The following KIRREL3 variants were observed in gnomAD, a reference collection of about 807,000 sequenced individuals.
KIRREL3 encodes kirre like nephrin family adhesion molecule 3, also known as kin of IRRE-like protein 3.
KIRREL3 carries 36 observed loss-of-function variants against 89.7 expected under a neutral mutation model. That is an observed-to-expected ratio of 0.40 (90% CI 0.31 to 0.53). KIRREL3 has a LOEUF of 0.53. KIRREL3 is among the 20% of genes least tolerant of loss of function. KIRREL3 has a pLI of 0.49. For synonymous variants in KIRREL3, 445 were observed against 441.4 expected, an observed-to-expected ratio of 1.01 and a Z score of -0.10; for missense variants, 864 against 1,056.6, an observed-to-expected ratio of 0.82 and a Z score of 2.53.
chr11:126,598,874 C>T (rs1942516294), intron 1 of KIRREL3, among the ~76,000 whole-genome samples: 1 of 152,236 alleles, frequency 6.6e-6, no homozygotes, highest in Non-Finnish European at 1.5e-5. Flanking sequence ...GTAGGGCTCA[C>T]TCTTAGGCTT....
chr11:126,967,485 T>C (rs1949304619), intron 1 of KIRREL3, among the ~76,000 whole-genome samples: 1 of 152,062 alleles, frequency 6.6e-6, no homozygotes, highest in Admixed American at 6.5e-5. Flanking sequence ...AATGATCACA[T>C]CTAACCTTCA....
chr11:126,923,195 C>CTT lies in KIRREL3; in HGVS notation c.55+77258_55+77259dup, dbSNP rs1414469272. On this transcript the variant is annotated intron_variant, in intron 1 of 16. Coordinates refer to ENST00000525144, the MANE Select transcript of KIRREL3 (RefSeq NM_032531.4). The stretch of plus-strand genomic sequence containing the variant: ...CTTCTTCTCTTCTTCTTCTCTTCTT[C>CTT]TTCTTCTTCTTCTTCTTCTTCTTCT... 5.1e-3 allele frequency among the ~76,000 whole-genome samples: 47 copies of CTT among 9,278 alleles called. 9 individuals carry two copies. Among genetic ancestry groups the CTT allele is most frequent in the Non-Finnish European group, 6.6e-3 (39 of 5,874 alleles). The allele number at this position is 9,278 out of a possible 152,430, so 6.1% of individuals were successfully genotyped here.
rs189753759 is a variant in KIRREL3, at chr11:126,525,555, A to G, written c.283+983T>C. On this transcript the variant is annotated intron_variant, in intron 3 of 16. Coordinates refer to ENST00000525144, the MANE Select transcript of KIRREL3 (RefSeq NM_032531.4). This position sits in a 1 kb window ranked among gnomAD's most constrained non-coding sequence, Gnocchi z 5.4. ...ATTTAAAAATATTAATTTCCCAACC[A>G]TCATGTTCCTGAGTGCACTTCGATT... is the stretch of plus-strand genomic sequence containing the variant. Among the ~76,000 whole-genome samples, 1 of 152,278 alleles carries G rather than the reference A, an allele frequency of 6.6e-6. No homozygotes were observed. The highest frequency in any genetic ancestry group is 1.5e-5 in the Non-Finnish European group (1 of 68,030).
At chr11:126,589,070 C>G (rs11220547) in intron 1 of KIRREL3, among the ~76,000 whole-genome samples, 22,784 of 152,112 alleles carry the variant, frequency 0.15, 1,731 homozygotes, top group African/African-American at 0.16. Context: ...CTCTCCCGGT[C>G]CCTTCCAGCA....
In KIRREL3 at chr11:126,544,561, G is replaced by A. The variant is rs1381533042; in HGVS notation, c.134-17874C>T. Among the ~76,000 whole-genome samples the A allele has an allele frequency of 6.6e-6, 1 of 152,126 alleles. No homozygotes were observed. Among genetic ancestry groups the A allele is most frequent in the African/African-American group, 2.4e-5 (1 of 41,424 alleles). ...CGGGGCTACCTGGGGCTATGGAAGG[G>A]ACTTTCCATAGAGGGTCTTTGGCTG... is the stretch of plus-strand genomic sequence containing the variant. On this transcript the variant is annotated intron_variant, in intron 2 of 16. Coordinates refer to ENST00000525144, the MANE Select transcript of KIRREL3 (RefSeq NM_032531.4). The surrounding 1 kb of genome is among the most constrained non-coding windows in gnomAD (Gnocchi z 5.6).
intron 1 of KIRREL3, among the ~76,000 whole-genome samples, chr11:126,690,043 G>A (rs539004377): frequency 2.0e-5 from 3 of 152,256 alleles, no homozygotes; most frequent in Non-Finnish European, 4.4e-5. Context: ...CACTGGAGGA[G>A]GCCCGAGAAG....
At chr11:126,466,103 T>G (rs1670038319) in intron 5 of KIRREL3, among the ~76,000 whole-genome samples, 1 of 152,086 alleles carries the variant, frequency 6.6e-6, no homozygotes, top group Admixed American at 6.5e-5. Context: ...CAGCTCTAAT[T>G]AGGCCCTCTG....
intron 9 of KIRREL3, among the ~76,000 whole-genome samples, chr11:126,445,949 G>T (rs1216871983): frequency 1.3e-5 from 2 of 152,168 alleles, no homozygotes; most frequent in East Asian, 3.9e-4. Flanking sequence ...GGGAGTTTGA[G>T]ACTAGTGTGA....
In KIRREL3 at chr11:126,521,672, CTGTATGTGTGTG is replaced by C. The variant is rs1252965222; in HGVS notation, c.284-220_284-209del. Among the ~76,000 whole-genome samples, 205 of 43,002 alleles carry C rather than the reference CTGTATGTGTGTG, an allele frequency of 4.8e-3. 1 individual carries two copies. The highest frequency in any genetic ancestry group is 0.034 in the African/African-American group (188 of 5,528). 28.2% of individuals were successfully genotyped at this position (43,002 alleles called of 152,430 possible). On this transcript the variant is annotated intron_variant, in intron 3 of 16. Transcript: ENST00000525144. This position sits in a 1 kb window ranked among gnomAD's most constrained non-coding sequence, Gnocchi z 4.1. Reference sequence around the variant, plus strand: ...AGGTGTTGGTTCTCTCTCTCTCTCTCTGTATGTGTGTGTGTGTGTGTGTGTGTGTGTGTGTGT... The same window carrying C: ...AGGTGTTGGTTCTCTCTCTCTCTCTCTGTGTGTGTGTGTGTGTGTGTGTGT...
chr11:126,787,161 A>G (rs1950510452), intron 1 of KIRREL3, among the ~76,000 whole-genome samples: 1 of 152,304 alleles, frequency 6.6e-6, no homozygotes, highest in East Asian at 1.9e-4. Flanking sequence ...GCCACTCACA[A>G]GAGAGAACAC....
At chr11:126,581,177 A>AG (rs1941529343) in intron 1 of KIRREL3, among the ~76,000 whole-genome samples, 1 of 152,050 alleles carries the variant, frequency 6.6e-6, no homozygotes. Flanking sequence ...TGCTATAGTT[A>AG]GTGGGGGGTT....
At chr11:126,730,035 C>T (rs1030834680) in intron 1 of KIRREL3, among the ~76,000 whole-genome samples, 1 of 152,206 alleles carries the variant, frequency 6.6e-6, no homozygotes. Flanking sequence ...CATTCCCTCT[C>T]AGTCCCCGTC....
intron 1 of KIRREL3, among the ~76,000 whole-genome samples, chr11:126,621,254 T>C (rs1477868713): frequency 1.3e-5 from 2 of 152,172 alleles, no homozygotes; most frequent in Non-Finnish European, 2.9e-5. Context: ...CCCTTTTGAT[T>C]TGGGTTACTT....
At chr11:126,949,524 G>A (rs1330167488) in intron 1 of KIRREL3, among the ~76,000 whole-genome samples, 1 of 152,190 alleles carries the variant, frequency 6.6e-6, no homozygotes, top group African/African-American at 2.4e-5. Flanking sequence ...AAGCACGACA[G>A]GCTGCTAAGC....
intron 1 of KIRREL3, among the ~76,000 whole-genome samples, chr11:126,895,514 T>C (rs1249383521): frequency 7.0e-6 from 1 of 141,880 alleles, no homozygotes; most frequent in African/African-American, 2.6e-5. Flanking sequence ...AGAGAGGGCA[T>C]GAGGGAAGAG....
intron 1 of KIRREL3, among the ~76,000 whole-genome samples, chr11:126,663,428 G>A (rs1044793508): frequency 2.6e-5 from 4 of 151,946 alleles, no homozygotes; most frequent in African/African-American, 9.7e-5. Flanking sequence ...CTCGTGATCC[G>A]CCTGCCTCGG....
At position 126,601,912 on chromosome 11, in the gene KIRREL3, G is replaced by T. The variant is rs1942674906; in HGVS notation, c.56-39000C>A. On this transcript the variant is annotated intron_variant, in intron 1 of 16. Transcript: ENST00000525144. This position sits in a 1 kb window ranked among gnomAD's most constrained non-coding sequence, Gnocchi z 5.8. ...ACAGCATGAGTTTTAGGAGACAAGGGGTCCTGTGTGTGTTTGAGATGAAAC... is the reference window on the plus strand; with the variant it reads ...ACAGCATGAGTTTTAGGAGACAAGGTGTCCTGTGTGTGTTTGAGATGAAAC... Among the ~76,000 whole-genome samples, 1 of 152,164 alleles carries T rather than the reference G, an allele frequency of 6.6e-6. No individual in the cohort carries two copies. The highest frequency in any genetic ancestry group is 1.5e-5 in the Non-Finnish European group (1 of 68,036).
At chr11:126,667,136 TA>T (rs1945699814) in intron 1 of KIRREL3, among the ~76,000 whole-genome samples, 1 of 152,182 alleles carries the variant, frequency 6.6e-6, no homozygotes, top group Non-Finnish European at 1.5e-5. Context: ...AGCATCTCAG[TA>T]AATAACTTTG....
At position 126,651,416 on chromosome 11, in the gene KIRREL3, A is replaced by G. The variant is rs954533887; in HGVS notation, c.56-88504T>C. ...AGAACCATGCATGCTCTTTCCAGAT[A>G]TCAGTGGACAGCATCCAGGGGGGCA... is the stretch of plus-strand genomic sequence containing the variant. On this transcript the variant is annotated intron_variant, in intron 1 of 16. Coordinates refer to ENST00000525144, the MANE Select transcript of KIRREL3 (RefSeq NM_032531.4). The surrounding 1 kb of genome is among the most constrained non-coding windows in gnomAD (Gnocchi z 4.6). Among the ~76,000 whole-genome samples, 1 of 152,246 alleles carries G rather than the reference A, an allele frequency of 6.6e-6. No homozygotes were observed. Among genetic ancestry groups the G allele is most frequent in the African/African-American group, 2.4e-5 (1 of 41,468 alleles).
Sources: allele counts gnomAD v4.1 joint callset (sites outside exome capture counted in the v4.1 genomes callset), GRCh38; gene constraint gnomAD v4.1.1; non-coding constraint Gnocchi (gnomAD v3.1); transcripts MANE v1.5; gene names NCBI Gene and HGNC (gene_info 2026-07-23, HGNC 2026-07-21).